The following SIPA1L1 variants were observed in gnomAD, a reference collection of about 807,000 sequenced individuals.
The protein encoded by SIPA1L1 is signal-induced proliferation-associated 1-like protein 1.
Under a neutral mutation model 162.7 loss-of-function variants are expected in SIPA1L1, and 26 were observed. That is an observed-to-expected ratio of 0.16 (90% CI 0.12 to 0.22). SIPA1L1 has a LOEUF of 0.22. SIPA1L1 is among the 10% of genes least tolerant of loss of function. The pLI, the probability that SIPA1L1 is intolerant of heterozygous loss-of-function variation, is 1.00. For synonymous variants in SIPA1L1, 829 were observed against 837.4 expected, an observed-to-expected ratio of 0.99 and a Z score of 0.17; for missense variants, 1,874 against 2,241.0, an observed-to-expected ratio of 0.84 and a Z score of 3.31.
intron 5 of SIPA1L1, among the ~76,000 whole-genome samples, chr14:71,614,640 G>T (rs901143691): frequency 6.6e-6 from 1 of 152,096 alleles, no homozygotes; most frequent in Admixed American, 6.5e-5. Context: ...TCTTCCTAGC[G>T]TTATCTAACC....
At position 71,593,322 on chromosome 14, in the gene SIPA1L1, G is replaced by A. The variant is rs556880939; in HGVS notation, c.1498+3952G>A. Among the ~76,000 whole-genome samples the A allele has an allele frequency of 1.9e-3, 284 of 151,848 alleles. 4 individuals are homozygous for A. The highest frequency in any genetic ancestry group is 1.3e-3 in the Non-Finnish European group (89 of 67,938). ...TGCCTCCTGGATTCAAGCGATTCTC[G>A]TGCCTCAGCCTCCCAGGTAGCTGGG... On this transcript the variant is annotated intron_variant, in intron 5 of 23. Coordinates refer to ENST00000381232, the MANE Select transcript of SIPA1L1 (RefSeq NM_001386936.1).
chr14:71,487,546 G>A lies in SIPA1L1; in HGVS notation c.-464-25197G>A, dbSNP rs150948798. ...CTGGCATCTGTGTATGGTGTATAGG[G>A]CATGGTAGGTACCCATTAAATATGT... is the stretch of plus-strand genomic sequence containing the variant. On this transcript the variant is annotated intron_variant, in intron 2 of 23. Coordinates refer to ENST00000381232, the MANE Select transcript of SIPA1L1 (RefSeq NM_001386936.1). Among the ~76,000 whole-genome samples, 59 of 152,302 alleles carry A rather than the reference G, an allele frequency of 3.9e-4. No homozygotes were observed. The East Asian group carries it at 0.011, about 28-fold the overall frequency.
At chr14:71,332,973 C>G (rs1386316889) in intron 2 of SIPA1L1, among the ~76,000 whole-genome samples, 1 of 152,170 alleles carries the variant, frequency 6.6e-6, no homozygotes, top group East Asian at 1.9e-4. Flanking sequence ...TTGTTTTTAA[C>G]TCTAAAATAT....
chr14:71,551,937 T>C (rs2055876601), intron 4 of SIPA1L1, among the ~76,000 whole-genome samples: 2 of 152,174 alleles, frequency 1.3e-5, no homozygotes, highest in Non-Finnish European at 2.9e-5. Context: ...ACCAAATCAG[T>C]TTAAAGTAGC....
intron 4 of SIPA1L1, among the ~76,000 whole-genome samples, chr14:71,579,143 C>G (rs147665833): frequency 1.3e-5 from 2 of 152,074 alleles, no homozygotes; most frequent in Non-Finnish European, 2.9e-5. Flanking sequence ...AGCTGCAGAC[C>G]GCACCGTTTA....
intron 12 of SIPA1L1, among the ~76,000 whole-genome samples, chr14:71,679,841 A>T (rs1210619240): frequency 6.6e-6 from 1 of 152,370 alleles, no homozygotes; most frequent in East Asian, 1.9e-4. Flanking sequence ...AAAGAAGGCC[A>T]TTACATAATG....
intron 5 of SIPA1L1, among the ~76,000 whole-genome samples, chr14:71,601,104 T>G (rs2036696812): frequency 6.6e-6 from 1 of 152,182 alleles, no homozygotes; most frequent in Admixed American, 6.5e-5. Context: ...TTCTTTTACC[T>G]GATTGCTCTG....
chr14:71,504,641 GA>G (rs528611875), intron 2 of SIPA1L1, among the ~76,000 whole-genome samples: 1 of 151,996 alleles, frequency 6.6e-6, no homozygotes, highest in Non-Finnish European at 1.5e-5. Context: ...TTTTAAAAAA[GA>G]AAAAAATGCA....
intron 2 of SIPA1L1, among the ~76,000 whole-genome samples, chr14:71,499,365 A>G (rs911799088): frequency 2.0e-5 from 3 of 152,198 alleles, no homozygotes; most frequent in Admixed American, 6.5e-5. Flanking sequence ...ATATCTATAC[A>G]GAGAGAGAAA....
At chr14:71,413,847 G>C (rs2042576666) in intron 2 of SIPA1L1, 1 of 152,204 alleles carries the variant, frequency 6.6e-6, no homozygotes, top group Admixed American at 6.5e-5. Flanking sequence ...TTGATTAGTA[G>C]TGGTGATTTT....
intron 2 of SIPA1L1, among the ~76,000 whole-genome samples, chr14:71,407,896 T>G (rs1375264409): frequency 6.6e-6 from 1 of 152,200 alleles, no homozygotes; most frequent in Non-Finnish European, 1.5e-5. Context: ...TAGGCGAAGC[T>G]AGGCTTAAAA....
chr14:71,561,662 A>G (rs2056802872), intron 4 of SIPA1L1, among the ~76,000 whole-genome samples: 1 of 152,232 alleles, frequency 6.6e-6, no homozygotes, highest in Non-Finnish European at 1.5e-5. Flanking sequence ...GTCTCGGCTC[A>G]CTGCAAACTC....
At chr14:71,493,938 G>GACTCC (rs1478769289) in intron 2 of SIPA1L1, among the ~76,000 whole-genome samples, 1 of 152,194 alleles carries the variant, frequency 6.6e-6, no homozygotes, top group African/African-American at 2.4e-5. Context: ...AGCCCGAAGG[G>GACTCC]ACTCCGTGGT....
chr14:71,719,346 G>A (rs967753219), intron 17 of SIPA1L1, among the ~76,000 whole-genome samples: 2 of 152,166 alleles, frequency 1.3e-5, no homozygotes, highest in African/African-American at 4.8e-5. Context: ...GTTCAACTTA[G>A]TAGGGTCTCT....
intron 4 of SIPA1L1, among the ~76,000 whole-genome samples, chr14:71,535,554 A>G (rs1466099023): frequency 6.6e-6 from 1 of 152,010 alleles, no homozygotes; most frequent in Non-Finnish European, 1.5e-5. Flanking sequence ...CAGAAGCTGC[A>G]TGTGGTTATT....
rs1325901075 is a variant in SIPA1L1, at chr14:71,321,132, C to G, written c.-514C>G. The stretch of plus-strand genomic sequence containing the variant: ...TCTCTTTCTCCCCAGGGAGAGCGCG[C>G]GGCGGACGCGCCCGGGACGCGCGGC... On this transcript the variant is annotated 5_prime_UTR_variant, in exon 2 of 24. Coordinates refer to ENST00000381232, the MANE Select transcript of SIPA1L1 (RefSeq NM_001386936.1). 1 of 152,046 alleles carries G rather than the reference C, an allele frequency of 6.6e-6. No homozygotes were observed. The highest frequency in any genetic ancestry group is 1.5e-5 in the Non-Finnish European group (1 of 68,030). 9.4% of individuals were successfully genotyped at this position (152,046 alleles called of 1,614,324 possible). A position where few individuals can be genotyped will look rare whatever the true frequency, so the allele number is the denominator to read the frequency against.
intron 7 of SIPA1L1, among the ~76,000 whole-genome samples, chr14:71,645,122 C>G (rs1225391442): frequency 2.0e-5 from 3 of 152,224 alleles, no homozygotes; most frequent in African/African-American, 7.2e-5. Flanking sequence ...ATGGCCCTTC[C>G]TCCATCTCCA....
At chr14:71,404,291 C>T (rs1259509927) in intron 2 of SIPA1L1, among the ~76,000 whole-genome samples, 2 of 152,148 alleles carry the variant, frequency 1.3e-5, no homozygotes, top group Admixed American at 1.3e-4. Flanking sequence ...GCCGTGGCTC[C>T]TACCTGTAAT....
rs2044642723 is a variant in SIPA1L1, at chr14:71,672,602, T to A, written c.3084T>A (p.His1028Gln). The A allele has an allele frequency of 1.2e-6, 2 of 1,613,916 alleles. No individual in the cohort carries two copies. Among genetic ancestry groups the A allele is most frequent in the Admixed American group, 1.7e-5 (1 of 60,008 alleles). The change falls in exon 12 of 24, where the codon CAT (histidine) becomes CAA (glutamine). Residue 1028 changes from histidine (H) to glutamine (Q), a missense_variant. Physicochemically the swap from His to Gln is conservative, Grantham distance 24 (BLOSUM62 0). This residue lies in a region of SIPA1L1 where 936 missense variants were observed against 1,051.9 expected (regional missense o/e 0.89). Transcript: ENST00000381232. ...TGAAGGTTGTCATCATTCCCCCGCA[T>A]GATGACTGCACCCCGCGGAGGTAGG... ...VTVKVVIIPP[H>Q]DDCTPRRSCS...
Sources: allele counts gnomAD v4.1 joint callset (sites outside exome capture counted in the v4.1 genomes callset), GRCh38; gene constraint gnomAD v4.1.1; regional missense constraint gnomAD v4.1.1; transcripts MANE v1.5; gene names NCBI Gene and HGNC (gene_info 2026-07-23, HGNC 2026-07-21).